Variants in LNPK observed in about 807,000 individuals in gnomAD.
LNPK encodes lunapark, ER junction formation factor.
A neutral mutation model predicts 55.2 loss-of-function variants in LNPK; 29 were observed. The ratio of observed to expected loss-of-function variants is 0.53; its 90% CI spans 0.39 to 0.72. LNPK has a LOEUF of 0.72. LNPK is among the 30% of genes least tolerant of loss of function. LNPK has a pLI of 0.00. For missense variants in LNPK, 467 were observed against 494.8 expected (o/e 0.94, Z 0.53); for synonymous variants, 162 against 168.2 (o/e 0.96, Z 0.29).
At chr2:175,939,838 CA>C (rs1169188997) in intron 9 of LNPK, 181 bp from the exon 10 acceptor site, 1 of 476,438 alleles carries the variant, frequency 2.1e-6, no homozygotes, top group Non-Finnish European at 3.7e-6. Flanking sequence ...TACTGTACTA[CA>C]AAATATATTT....
intron 3 of LNPK, 48 bp from the exon 4 acceptor site, chr2:175,992,466 A>C: frequency 8.4e-7 from 1 of 1,188,796 alleles, no homozygotes; most frequent in Non-Finnish European, 1.1e-6. Context: ...AACTTCATAA[A>C]GAAATTAAAA....
chr2:175,955,397 C>A (rs921138032), intron 8 of LNPK, among the ~76,000 whole-genome samples: 6 of 152,256 alleles, frequency 3.9e-5, no homozygotes, highest in Middle Eastern at 3.4e-3. Context: ...ATAGTAGATC[C>A]TCTAGCTCAG....
chr2:175,971,020 TGAC>T (rs913369191), intron 5 of LNPK, among the ~76,000 whole-genome samples: 1 of 152,110 alleles, frequency 6.6e-6, no homozygotes, highest in African/African-American at 2.4e-5. Flanking sequence ...GGTGAAAAAT[TGAC>T]TTTACATAGT....
At chr2:175,967,698 G>A (rs1036669739) in intron 6 of LNPK, 6 of 979,146 alleles carry the variant, frequency 6.1e-6, no homozygotes, top group Non-Finnish European at 7.3e-6. Context: ...TGAAATTGAT[G>A]ATGCTTTTAC....
chr2:175,952,524 G>A (rs1464608003), intron 8 of LNPK, among the ~76,000 whole-genome samples: 2 of 151,656 alleles, frequency 1.3e-5, no homozygotes, highest in Non-Finnish European at 2.9e-5. Context: ...AAAACTTTCT[G>A]AAGTCCATGG....
At chr2:175,998,158 A>C (rs1688017788) in intron 1 of LNPK, among the ~76,000 whole-genome samples, 1 of 152,086 alleles carries the variant, frequency 6.6e-6, no homozygotes, top group East Asian at 1.9e-4. Flanking sequence ...AAAGACAGTA[A>C]GCAGGCCGGG....
chr2:175,937,461 G>C lies in LNPK; in HGVS notation c.937C>G (p.Gln313Glu). The change falls in exon 12 of 13, where the codon CAG becomes GAG. Residue 313 changes from glutamine (Q) to glutamate (E), a missense_variant. Gln to Glu is a conservative substitution (Grantham distance 29). Coordinates refer to ENST00000272748, the MANE Select transcript of LNPK (RefSeq NM_030650.3). ...FLNPARKTRPQAPRLPEFSFE... is the reference protein window; with the variant it reads ...FLNPARKTRPEAPRLPEFSFE... ...CTAAACTCAGGAAGTCTTGGAGCCT[G>C]AGGTCTGGTTTTTCTTGCAGGGTTC... is the stretch of plus-strand genomic sequence containing the variant. 1 of 1,613,674 alleles carries C rather than the reference G, an allele frequency of 6.2e-7. No individual in the cohort carries two copies. The highest frequency in any genetic ancestry group is 1.1e-5 in the South Asian group (1 of 91,052).
intron 8 of LNPK, among the ~76,000 whole-genome samples, chr2:175,949,333 C>T (rs1346124108): frequency 2.6e-5 from 4 of 151,970 alleles, no homozygotes; most frequent in Non-Finnish European, 5.9e-5. Context: ...TAGGTGGTTG[C>T]ATATTAGGAA....
At chr2:175,988,372 G>A (rs1440191242) in intron 4 of LNPK, among the ~76,000 whole-genome samples, 1 of 151,730 alleles carries the variant, frequency 6.6e-6, no homozygotes, top group Non-Finnish European at 1.5e-5. Flanking sequence ...ATTAGATAGG[G>A]ATGGTGGTGA....
intron 6 of LNPK, among the ~76,000 whole-genome samples, 179 bp from the exon 7 acceptor site, chr2:175,964,768 T>G (rs1686246364): frequency 6.6e-6 from 1 of 152,204 alleles, no homozygotes. Flanking sequence ...ATATGTTACT[T>G]GTACTTAACA....
At chr2:175,966,616 A>C (rs1055385867) in intron 6 of LNPK, among the ~76,000 whole-genome samples, 1 of 152,218 alleles carries the variant, frequency 6.6e-6, no homozygotes, top group African/African-American at 2.4e-5. Flanking sequence ...AAAAGATACA[A>C]ATCTATTTCC....
At chr2:175,960,528 C>G (rs1179546707) in intron 8 of LNPK, among the ~76,000 whole-genome samples, 2 of 152,134 alleles carry the variant, frequency 1.3e-5, no homozygotes, top group Non-Finnish European at 2.9e-5. Flanking sequence ...AAAGACACAA[C>G]ATATCAGAAT....
At chr2:175,994,605 C>G (rs1490749965) in intron 2 of LNPK, among the ~76,000 whole-genome samples, 2 of 152,120 alleles carry the variant, frequency 1.3e-5, no homozygotes, top group South Asian at 4.1e-4. Context: ...TCACTGCAAC[C>G]TTCACCTCCT....
rs973524006 is a variant in LNPK at position 175,928,727 on chromosome 2, C to A, written c.*1240G>T. On this transcript the variant is annotated 3_prime_UTR_variant, in exon 13 of 13. Coordinates refer to ENST00000272748, the MANE Select transcript of LNPK (RefSeq NM_030650.3). ...TTGGAGAAGAGAGATAAAAGGAGGCCGTAACAGATAAGCACACTGTATTAA... is the reference window on the plus strand; with the variant it reads ...TTGGAGAAGAGAGATAAAAGGAGGCAGTAACAGATAAGCACACTGTATTAA... 3 of 151,438 alleles carry A rather than the reference C, an allele frequency of 2.0e-5. No homozygotes were observed. The highest frequency in any genetic ancestry group is 7.3e-5 in the African/African-American group (3 of 41,176). The allele number at this position is 151,438 out of a possible 1,614,324, so 9.4% of individuals were successfully genotyped here. A position where few individuals can be genotyped will look rare whatever the true frequency, so the allele number is the denominator to read the frequency against.
At chr2:175,993,383 A>G (rs1687786220) in intron 2 of LNPK, among the ~76,000 whole-genome samples, 160 bp from the exon 3 acceptor site, 1 of 152,240 alleles carries the variant, frequency 6.6e-6, no homozygotes, top group Non-Finnish European at 1.5e-5. Flanking sequence ...AATAAAAATT[A>G]TAATTGCAAA....
Position 175,987,917 on chromosome 2 carries a change from A to G in LNPK, c.257+4314T>C, listed in dbSNP as rs114856024. Among the ~76,000 whole-genome samples, 860 of 152,316 alleles carry G rather than the reference A, an allele frequency of 5.6e-3. 9 individuals carry two copies. Among genetic ancestry groups the G allele is most frequent in the African/African-American group, 0.019 (809 of 41,582 alleles). ...GAATCACACAGAGGACAGCGTAAAC[A>G]TTTTAAAAGCTCAATATTCAGTGTT... On this transcript the variant is annotated intron_variant, in intron 4 of 12. Transcript: ENST00000272748.
intron 8 of LNPK, among the ~76,000 whole-genome samples, chr2:175,958,257 C>G (rs1685799253): frequency 6.6e-6 from 1 of 152,250 alleles, no homozygotes; most frequent in Non-Finnish European, 1.5e-5. Context: ...AGACTGCCTC[C>G]TCAAGTGGGT....
At chr2:175,938,168 G>T (rs183183073) in intron 11 of LNPK, 145 bp downstream of exon 11, 6 of 541,960 alleles carry the variant, frequency 1.1e-5, no homozygotes, top group African/African-American at 7.8e-5. Context: ...TCCCTGCTTT[G>T]CTCTATGTAC....
chr2:176,000,351 T>C (rs1688114907), intron 1 of LNPK, among the ~76,000 whole-genome samples: 1 of 152,214 alleles, frequency 6.6e-6, no homozygotes, highest in African/African-American at 2.4e-5. Context: ...CTTCATAGAA[T>C]TGTTGTATAA....
Sources: allele counts gnomAD v4.1 joint callset (sites outside exome capture counted in the v4.1 genomes callset), GRCh38; gene constraint gnomAD v4.1.1; transcripts MANE v1.5; gene names NCBI Gene and HGNC (gene_info 2026-07-23, HGNC 2026-07-21).